Variants in FAM149A observed in about 807,000 individuals in gnomAD.
The protein encoded by FAM149A is protein FAM149A.
FAM149A carries 71 observed loss-of-function variants against 78.2 expected under a neutral mutation model. The observed-to-expected ratio is 0.91, with a 90% CI of 0.75 to 1.11. FAM149A has a LOEUF of 1.11. Ranked by LOEUF, FAM149A falls within the 50% of genes least tolerant of loss-of-function variation. The probability of loss-of-function intolerance (pLI) is 0.00; values close to 1 mark genes in which losing one functional copy is unlikely to be tolerated. For missense variants in FAM149A, 1,036 were observed against 971.0 expected (o/e 1.07, Z -0.89); for synonymous variants, 446 against 410.5 (o/e 1.09, Z -1.04).
At chr4:186,114,218 C>T (rs2099312598) in intron 1 of FAM149A, among the ~76,000 whole-genome samples, 1 of 28,528 alleles carries the variant, frequency 3.5e-5, no homozygotes, top group Non-Finnish European at 7.3e-5. Flanking sequence ...GATTGCAACC[C>T]CTGCCTTTTT....
rs1375734782 is a variant in FAM149A, at chr4:186,127,475, C to G, written c.567-21698C>G. Reference sequence around the variant, plus strand: ...GTCAAGAGGCTGGCCTCTCCAAAGTCTCACAGCTGGAGTGTGGGTACCAGG... The same window carrying G: ...GTCAAGAGGCTGGCCTCTCCAAAGTGTCACAGCTGGAGTGTGGGTACCAGG... On this transcript the variant is annotated intron_variant, in intron 1 of 13. Transcript: ENST00000389354. 3 of 985,324 alleles carry G rather than the reference C, an allele frequency of 3.0e-6. No homozygotes were observed. In the African/African-American group the frequency reaches 5.2e-5, roughly 17 times the overall value. 61.0% of individuals were successfully genotyped at this position (985,324 alleles called of 1,614,324 possible). A position where few individuals can be genotyped will look rare whatever the true frequency, so the allele number is the denominator to read the frequency against.
chr4:186,150,413 C>CTTTTTTT (rs750482571), intron 3 of FAM149A, among the ~76,000 whole-genome samples: 17 of 84,284 alleles, frequency 2.0e-4, no homozygotes, highest in East Asian at 3.4e-4. Flanking sequence ...CTCTCTGTCT[C>CTTTTTTT]TTTTTTTTTT....
chr4:186,170,089 C>T (rs1388271981), intron 13 of FAM149A, among the ~76,000 whole-genome samples: 1 of 152,238 alleles, frequency 6.6e-6, no homozygotes, highest in Non-Finnish European at 1.5e-5. Context: ...ACCAGGTGCA[C>T]AGGCAAAACT....
At chr4:186,141,242 G>GA (rs1306965705) in intron 1 of FAM149A, among the ~76,000 whole-genome samples, 1 of 152,026 alleles carries the variant, frequency 6.6e-6, no homozygotes, top group African/African-American at 2.4e-5. Context: ...CTGGATATTA[G>GA]ACCTTTGTTG....
rs1554068550 is a variant in FAM149A at position 186,137,021 on chromosome 4, A to ACTCTCTCTCTCTC, written c.567-12152_567-12151insCTCTCTCTCTCTC. ...CTCTCTCTCTCTCTCTCTCTCTCTA[A>ACTCTCTCTCTCTC]GTGCTTAAAGCAGGGCCTGGTGTGT... On this transcript the variant is annotated intron_variant, in intron 1 of 13. Transcript: ENST00000389354. Among the ~76,000 whole-genome samples, 8 of 93,772 alleles carry ACTCTCTCTCTCTC rather than the reference A, an allele frequency of 8.5e-5. No homozygotes were observed. In the Admixed American group the frequency reaches 9.9e-4, roughly 12 times the overall value. The allele number at this position is 93,772 out of a possible 152,430, so 61.5% of individuals were successfully genotyped here.
rs183993899 is a variant in FAM149A at position 186,111,319 on chromosome 4, C to T, written c.566+5677C>T. Among the ~76,000 whole-genome samples, 1,433 of 151,942 alleles carry T rather than the reference C, an allele frequency of 9.4e-3. 24 individuals are homozygous for T. Among genetic ancestry groups the T allele is most frequent in the African/African-American group, 0.032 (1,331 of 41,340 alleles). On this transcript the variant is annotated intron_variant, in intron 1 of 13. Transcript: ENST00000389354. Reference sequence around the variant, plus strand: ...AGTCCTTTGTCAGATGAGTAGGTTGCGAAAATTTTCTCCCATTTTGTAGGT... The same window carrying T: ...AGTCCTTTGTCAGATGAGTAGGTTGTGAAAATTTTCTCCCATTTTGTAGGT...
chr4:186,129,555 G>A (rs1430379407), intron 1 of FAM149A, among the ~76,000 whole-genome samples: 1 of 152,222 alleles, frequency 6.6e-6, no homozygotes, highest in Non-Finnish European at 1.5e-5. Flanking sequence ...AGCAACTAGA[G>A]AAGCTGAACA....
intron 1 of FAM149A, among the ~76,000 whole-genome samples, chr4:186,121,397 T>G (rs2099316028): frequency 6.6e-6 from 1 of 152,230 alleles, no homozygotes; most frequent in Admixed American, 6.5e-5. Context: ...ACATTTAACA[T>G]TTTGGATCTT....
intron 5 of FAM149A, 118 bp from the exon 6 acceptor site, chr4:186,154,350 T>A (rs1006445407): frequency 9.9e-6 from 8 of 810,296 alleles, no homozygotes; most frequent in Non-Finnish European, 1.5e-5. Context: ...TATTCAACCG[T>A]TTTGGGAGGG....
At chr4:186,131,024 A>G (rs1326628336) in intron 1 of FAM149A, among the ~76,000 whole-genome samples, 1 of 152,096 alleles carries the variant, frequency 6.6e-6, no homozygotes, top group East Asian at 1.9e-4. Context: ...TCTTGAGGAA[A>G]GGCCCCTTGT....
At chr4:186,157,156 C>T (rs200630972) in intron 7 of FAM149A, among the ~76,000 whole-genome samples, 1 of 90,936 alleles carries the variant, frequency 1.1e-5, no homozygotes, top group African/African-American at 2.9e-5. Flanking sequence ...CTTTAATCCT[C>T]TTACATACAA....
chr4:186,128,355 G>A (rs940666267), intron 1 of FAM149A, among the ~76,000 whole-genome samples: 3 of 151,796 alleles, frequency 2.0e-5, no homozygotes, highest in African/African-American at 7.3e-5. Flanking sequence ...CACAGCTTAC[G>A]ACTGATACTG....
intron 1 of FAM149A, chr4:186,109,959 C>T (rs1029057788): frequency 2.2e-5 from 22 of 985,312 alleles, no homozygotes; most frequent in Non-Finnish European, 2.4e-5. Context: ...AATGCATTTA[C>T]CACTCTGGGA....
At chr4:186,151,280 T>G (rs1192283253) in intron 3 of FAM149A, among the ~76,000 whole-genome samples, 1 of 152,194 alleles carries the variant, frequency 6.6e-6, no homozygotes, top group Non-Finnish European at 1.5e-5. Context: ...TGCTTTACTC[T>G]GTCCAAATTC....
chr4:186,153,779 A>C lies in FAM149A; in HGVS notation c.1058+9A>C. The C allele has an allele frequency of 6.3e-7, 1 of 1,591,152 alleles. No individual in the cohort carries two copies. The highest frequency in any genetic ancestry group is 8.6e-7 in the Non-Finnish European group (1 of 1,162,492). Reference sequence around the variant, plus strand: ...AGCAGCAACATCAGAGAGTATGTTCAGATAAGTGACTCTCAAAAAGTATTG... The same window carrying C: ...AGCAGCAACATCAGAGAGTATGTTCCGATAAGTGACTCTCAAAAAGTATTG... On this transcript the variant is annotated intron_variant, in intron 5 of 13. Transcript: ENST00000389354.
At chr4:186,124,467 T>C (rs1384937754) in intron 1 of FAM149A, among the ~76,000 whole-genome samples, 2 of 142,130 alleles carry the variant, frequency 1.4e-5, no homozygotes, top group African/African-American at 2.5e-5. Context: ...CCTGTGTCCA[T>C]GTGTTCTCAT....
intron 1 of FAM149A, chr4:186,146,627 A>G: frequency 6.6e-6 from 5 of 752,874 alleles, no homozygotes; most frequent in Non-Finnish European, 8.1e-6. Flanking sequence ...AAGTTGCACA[A>G]AAGCAGGAGG....
At chr4:186,138,558 G>A (rs2099324477) in intron 1 of FAM149A, among the ~76,000 whole-genome samples, 1 of 152,134 alleles carries the variant, frequency 6.6e-6, no homozygotes, top group Non-Finnish European at 1.5e-5. Flanking sequence ...ATTACATGGA[G>A]TTGTCACGTC....
chr4:186,109,188 A>G (rs2099310181), intron 1 of FAM149A: 1 of 985,246 alleles, frequency 1.0e-6, no homozygotes, highest in African/African-American at 1.7e-5. Flanking sequence ...AAGAATTCCT[A>G]GCAATACGTA....
Sources: allele counts gnomAD v4.1 joint callset (sites outside exome capture counted in the v4.1 genomes callset), GRCh38; gene constraint gnomAD v4.1.1; transcripts MANE v1.5; gene names NCBI Gene and HGNC (gene_info 2026-07-23, HGNC 2026-07-21).